Variants in PRKCE observed in about 807,000 individuals in gnomAD.
The protein encoded by PRKCE is protein kinase C epsilon type.
PRKCE carries 16 observed loss-of-function variants against 85.4 expected under a neutral mutation model. That is an observed-to-expected ratio of 0.19 (90% CI 0.13 to 0.28). PRKCE has a LOEUF of 0.28. Among genes scored for constraint, PRKCE ranks in the 10% least tolerant of loss-of-function variants. The pLI is 1.00. For missense variants in PRKCE, 573 were observed against 975.2 expected, an observed-to-expected ratio of 0.59 and a Z score of 5.49; for synonymous variants, 388 against 371.5, an observed-to-expected ratio of 1.04 and a Z score of -0.51.
chr2:45,788,616 C>T (rs1406583678), intron 1 of PRKCE, among the ~76,000 whole-genome samples: 5 of 152,164 alleles, frequency 3.3e-5, no homozygotes, highest in Non-Finnish European at 1.5e-5. Context: ...GTTTAGAAAC[C>T]AGATAAGTGA....
At chr2:46,047,788 A>C (rs7590029) in intron 10 of PRKCE, among the ~76,000 whole-genome samples, 1 of 152,206 alleles carries the variant, frequency 6.6e-6, no homozygotes, top group Non-Finnish European at 1.5e-5. Context: ...GATTTTTTCA[A>C]TAGGGAGGAT....
chr2:45,682,376 T>C (rs1676971004), intron 1 of PRKCE, among the ~76,000 whole-genome samples: 1 of 152,186 alleles, frequency 6.6e-6, no homozygotes. Context: ...ACACTGGTGG[T>C]AAGGGGGTAG....
At chr2:46,163,798 G>A (rs1409345435) in intron 14 of PRKCE, among the ~76,000 whole-genome samples, 1 of 145,234 alleles carries the variant, frequency 6.9e-6, no homozygotes, top group East Asian at 2.1e-4. Flanking sequence ...AGAGGCCACT[G>A]AGAGACATGG....
chr2:45,849,843 T>G (rs1692105013), intron 2 of PRKCE, among the ~76,000 whole-genome samples: 1 of 152,194 alleles, frequency 6.6e-6, no homozygotes, highest in Admixed American at 6.5e-5. Flanking sequence ...AGCAAGCCTC[T>G]GTGTCTTGGG....
At chr2:46,031,884 A>G (rs1002443777) in intron 10 of PRKCE, among the ~76,000 whole-genome samples, 6 of 152,134 alleles carry the variant, frequency 3.9e-5, no homozygotes, top group Admixed American at 3.9e-4. Context: ...TGCATGGGAG[A>G]GAATGCGAAC....
chr2:45,908,335 T>C (rs1264696267), intron 2 of PRKCE, among the ~76,000 whole-genome samples: 2 of 152,110 alleles, frequency 1.3e-5, no homozygotes, highest in Non-Finnish European at 2.9e-5. Flanking sequence ...GGCCAGGCAA[T>C]ACACAGCCAG....
At chr2:46,046,532 G>A (rs1199842210) in intron 10 of PRKCE, among the ~76,000 whole-genome samples, 1 of 152,146 alleles carries the variant, frequency 6.6e-6, no homozygotes, top group Non-Finnish European at 1.5e-5. Flanking sequence ...CTCCACTTTG[G>A]GGTTTCCTCG....
At chr2:46,044,372 AG>A (rs1185714649) in intron 10 of PRKCE, among the ~76,000 whole-genome samples, 2 of 152,244 alleles carry the variant, frequency 1.3e-5, no homozygotes, top group Non-Finnish European at 2.9e-5. Flanking sequence ...TAATCAGGGC[AG>A]GAATTAGTGA....
At chr2:46,014,126 C>T (rs1319331984) in intron 10 of PRKCE, among the ~76,000 whole-genome samples, 1 of 152,186 alleles carries the variant, frequency 6.6e-6, no homozygotes, top group Admixed American at 6.5e-5. Context: ...AATAAAATGG[C>T]TCCAGCTTTC....
At chr2:46,072,018 A>C (rs1668124677) in intron 10 of PRKCE, among the ~76,000 whole-genome samples, 1 of 152,250 alleles carries the variant, frequency 6.6e-6, no homozygotes, top group Non-Finnish European at 1.5e-5. Context: ...CAATGGTTCA[A>C]CAATTCTTCA....
chr2:46,006,916 T>C (rs147022914), intron 8 of PRKCE, among the ~76,000 whole-genome samples: 1 of 152,326 alleles, frequency 6.6e-6, no homozygotes, highest in East Asian at 1.9e-4. Context: ...GATGGGTATT[T>C]AGAAGAAACC....
intron 11 of PRKCE, among the ~76,000 whole-genome samples, chr2:46,116,282 A>T (rs1272448307): frequency 6.6e-6 from 1 of 152,192 alleles, no homozygotes; most frequent in Admixed American, 6.5e-5. Flanking sequence ...ATGTCACGTG[A>T]GAGTTGCTTT....
At chr2:46,162,579 A>T (rs1261714594) in intron 14 of PRKCE, among the ~76,000 whole-genome samples, 7 of 152,166 alleles carry the variant, frequency 4.6e-5, no homozygotes, top group Admixed American at 4.6e-4. Flanking sequence ...TTGATTAGGT[A>T]GGTTTGAATT....
intron 2 of PRKCE, among the ~76,000 whole-genome samples, chr2:45,852,487 G>T (rs1692350333): frequency 6.6e-6 from 1 of 152,146 alleles, no homozygotes; most frequent in Admixed American, 6.5e-5. Context: ...GCCTGCGCAG[G>T]CACCATGCTA....
In PRKCE at chr2:45,693,959, G is replaced by A. The variant is rs141983448; in HGVS notation, c.348+41511G>A. 2.0e-5 allele frequency among the ~76,000 whole-genome samples: 3 copies of A among 152,108 alleles called. No homozygotes were observed. The East Asian group carries it at 5.8e-4, about 29-fold the overall frequency. Reference sequence around the variant, plus strand: ...TAGGGAACAGATAGGGAGTCGTGGTGTGAAAGAAGTCCGACTCGTGTGGAA... The same window carrying A: ...TAGGGAACAGATAGGGAGTCGTGGTATGAAAGAAGTCCGACTCGTGTGGAA... On this transcript the variant is annotated intron_variant, in intron 1 of 14. Transcript: ENST00000306156.
chr2:45,982,224 C>T (rs1702946253), intron 5 of PRKCE, among the ~76,000 whole-genome samples: 1 of 145,110 alleles, frequency 6.9e-6, no homozygotes, highest in South Asian at 2.2e-4. Flanking sequence ...GATGGGCTTG[C>T]CCTCTGCCGG....
At chr2:45,687,759 T>C (rs989661253) in intron 1 of PRKCE, among the ~76,000 whole-genome samples, 1 of 152,190 alleles carries the variant, frequency 6.6e-6, no homozygotes, top group Non-Finnish European at 1.5e-5. Flanking sequence ...AGAAGAAAGG[T>C]ATTCTCTAAA....
At chr2:45,997,843 G>A (rs1337938977) in intron 6 of PRKCE, among the ~76,000 whole-genome samples, 2 of 152,092 alleles carry the variant, frequency 1.3e-5, no homozygotes, top group African/African-American at 4.8e-5. Context: ...TTCCATACCC[G>A]GCCGGTAAGT....
chr2:45,925,122 G>A (rs1698514374), intron 2 of PRKCE, among the ~76,000 whole-genome samples: 1 of 152,174 alleles, frequency 6.6e-6, no homozygotes, highest in African/African-American at 2.4e-5. Context: ...ACTATCTGAA[G>A]CTTGATACTG....
Sources: gnomAD v4.1 joint callset for allele counts (sites outside exome capture counted in the v4.1 genomes callset) on GRCh38, gnomAD v4.1.1 for gene constraint, MANE v1.5 for transcripts, NCBI Gene and HGNC (gene_info 2026-07-23, HGNC 2026-07-21) for gene names.